Variants in RAP1GDS1 observed in about 807,000 individuals in gnomAD.
RAP1GDS1 encodes Rap1 GTPase-GDP dissociation stimulator 1.
Under a neutral mutation model 71.1 loss-of-function variants are expected in RAP1GDS1, and 35 were observed. That is an observed-to-expected ratio of 0.49 (90% CI 0.38 to 0.65). RAP1GDS1 has a LOEUF of 0.65. RAP1GDS1 is among the 30% of genes least tolerant of loss of function. RAP1GDS1 has a pLI of 0.00. For synonymous variants in RAP1GDS1, 229 were observed against 243.1 expected, an observed-to-expected ratio of 0.94 and a Z score of 0.54; for missense variants, 663 against 706.1, an observed-to-expected ratio of 0.94 and a Z score of 0.69.
chr4:98,436,070 C>CAA (rs201715514), intron 13 of RAP1GDS1, among the ~76,000 whole-genome samples: 12 of 142,258 alleles, frequency 8.4e-5, no homozygotes, highest in South Asian at 2.2e-4. Context: ...GACGCTGTCT[C>CAA]AAAAAAAAAA....
At chr4:98,424,201 G>A (rs1749291246) in intron 12 of RAP1GDS1, among the ~76,000 whole-genome samples, 1 of 152,114 alleles carries the variant, frequency 6.6e-6, no homozygotes, top group African/African-American at 2.4e-5. Context: ...AAGAGGTGCA[G>A]CTAACACTCC....
At chr4:98,398,690 C>T (rs1744916213) in intron 6 of RAP1GDS1, among the ~76,000 whole-genome samples, 1 of 152,132 alleles carries the variant, frequency 6.6e-6, no homozygotes, top group African/African-American at 2.4e-5. Context: ...AACCTACAGA[C>T]TCCACCAAAA....
intron 7 of RAP1GDS1, among the ~76,000 whole-genome samples, chr4:98,411,094 G>C (rs1262762564): frequency 6.6e-6 from 1 of 152,138 alleles, no homozygotes; most frequent in African/African-American, 2.4e-5. Flanking sequence ...ACCTATATAT[G>C]ATGCATACAT....
intron 4 of RAP1GDS1, among the ~76,000 whole-genome samples, chr4:98,356,574 A>G (rs73834448): frequency 5.6e-4 from 86 of 152,240 alleles, no homozygotes; most frequent in Admixed American, 1.5e-3. Context: ...GTGAAATTAA[A>G]TATTTGTGCC....
chr4:98,293,566 A>T, intron 2 of RAP1GDS1, 51 bp downstream of exon 2: 2 of 1,357,906 alleles, frequency 1.5e-6, no homozygotes, highest in Non-Finnish European at 2.1e-6. Context: ...TCAAATCAGT[A>T]GTCATTCAGA....
At chr4:98,416,700 T>C (rs759619536) in intron 7 of RAP1GDS1, 45 bp from the exon 8 acceptor site, 14 of 1,528,914 alleles carry the variant, frequency 9.2e-6, no homozygotes, top group Admixed American at 5.3e-5. Flanking sequence ...CCAGAGCTCC[T>C]ATTTTATCTC....
chr4:98,292,928 A>G (rs901683778), intron 1 of RAP1GDS1, among the ~76,000 whole-genome samples: 1 of 152,172 alleles, frequency 6.6e-6, no homozygotes, highest in South Asian at 2.1e-4. Context: ...TTTTGAAATG[A>G]CAGTGTAAGT....
At chr4:98,364,694 A>G (rs932011045) in intron 4 of RAP1GDS1, among the ~76,000 whole-genome samples, 2 of 151,916 alleles carry the variant, frequency 1.3e-5, no homozygotes, top group South Asian at 2.1e-4. Flanking sequence ...AACTTTTTAC[A>G]TTTTTCCAAG....
chr4:98,275,006 A>G (rs1164470755), intron 1 of RAP1GDS1, among the ~76,000 whole-genome samples: 1 of 148,212 alleles, frequency 6.7e-6, no homozygotes, highest in African/African-American at 2.5e-5. Flanking sequence ...CGGAAGCTTA[A>G]TTTGTTTGCA....
intron 2 of RAP1GDS1, among the ~76,000 whole-genome samples, chr4:98,303,885 G>A (rs555437978): frequency 6.6e-6 from 1 of 151,796 alleles, no homozygotes; most frequent in African/African-American, 2.4e-5. Context: ...CCCATTGTGT[G>A]GTGTTCCCCT....
intron 2 of RAP1GDS1, among the ~76,000 whole-genome samples, chr4:98,326,547 T>C: frequency 6.6e-6 from 1 of 152,226 alleles, no homozygotes; most frequent in Non-Finnish European, 1.5e-5. Context: ...TGGATTTGCT[T>C]TCTTTTTCAC....
chr4:98,327,353 G>C (rs550322526), intron 2 of RAP1GDS1, among the ~76,000 whole-genome samples: 1 of 152,278 alleles, frequency 6.6e-6, no homozygotes, highest in East Asian at 1.9e-4. Flanking sequence ...TAATTGTTTT[G>C]AGATAATTAT....
At chr4:98,351,362 G>A (rs1737162481) in intron 3 of RAP1GDS1, among the ~76,000 whole-genome samples, 1 of 152,122 alleles carries the variant, frequency 6.6e-6, no homozygotes, top group Non-Finnish European at 1.5e-5. Flanking sequence ...ATCTTAGGAG[G>A]AAAAGAAGTT....
At chr4:98,422,582 T>A (rs1197257345) in intron 12 of RAP1GDS1, among the ~76,000 whole-genome samples, 4 of 152,204 alleles carry the variant, frequency 2.6e-5, no homozygotes, top group African/African-American at 9.6e-5. Flanking sequence ...AGTGATTATA[T>A]ATGAGGAGAA....
intron 1 of RAP1GDS1, among the ~76,000 whole-genome samples, chr4:98,277,801 G>T (rs1724450052): frequency 6.6e-6 from 1 of 152,226 alleles, no homozygotes; most frequent in Non-Finnish European, 1.5e-5. Flanking sequence ...GTATCCTATA[G>T]TGATAATAGG....
Position 98,372,922 on chromosome 4 carries a change from A to T in RAP1GDS1, c.362-6095A>T, listed in dbSNP as rs192645185. 6.5e-4 allele frequency among the ~76,000 whole-genome samples: 99 copies of T among 151,940 alleles called. No homozygotes were observed. In the Middle Eastern group the frequency reaches 0.024, roughly 37 times the overall value. On this transcript the variant is annotated intron_variant, in intron 4 of 14. Transcript: ENST00000408927. ...CCAGGCTGATCTCAACCTCCTGGCC[A>T]CAAGAGACCTTCCTGCCTTGGCCTC... is the stretch of plus-strand genomic sequence containing the variant.
At chr4:98,370,711 C>T (rs2110465960) in intron 4 of RAP1GDS1, among the ~76,000 whole-genome samples, 1 of 152,102 alleles carries the variant, frequency 6.6e-6, no homozygotes, top group Admixed American at 6.5e-5. Flanking sequence ...GCTGGGACTA[C>T]AGGCGCGTGC....
intron 6 of RAP1GDS1, among the ~76,000 whole-genome samples, chr4:98,402,066 C>T (rs1223622612): frequency 6.6e-6 from 1 of 151,280 alleles, no homozygotes; most frequent in Non-Finnish European, 1.5e-5. Context: ...TCTCTACTTA[C>T]TTTTTATTTA....
chr4:98,416,986 T>A, intron 8 of RAP1GDS1, 98 bp downstream of exon 8: 1 of 1,341,818 alleles, frequency 7.5e-7, no homozygotes, highest in Middle Eastern at 2.0e-4. Context: ...TTTTCTCATA[T>A]TCCTATCTCA....
Sources: allele counts gnomAD v4.1 joint callset (sites outside exome capture counted in the v4.1 genomes callset), GRCh38; gene constraint gnomAD v4.1.1; transcripts MANE v1.5; gene names NCBI Gene and HGNC (gene_info 2026-07-23, HGNC 2026-07-21).